The following KMT2A variants were observed in gnomAD, a reference collection of about 807,000 sequenced individuals.
KMT2A encodes histone-lysine N-methyltransferase 2A.
A neutral mutation model predicts 345.3 loss-of-function variants in KMT2A; 16 were observed. The observed-to-expected ratio is 0.05, with a 90% confidence interval of 0.03 to 0.07. KMT2A has a LOEUF of 0.07. Ranked by LOEUF, KMT2A falls within the 10% of genes least tolerant of loss-of-function variation. The probability of loss-of-function intolerance (pLI) is 1.00; values close to 1 mark genes in which losing one functional copy is unlikely to be tolerated. For synonymous variants in KMT2A, 1,599 were observed against 1,778.6 expected (o/e 0.90, Z 2.54); for missense variants, 3,272 against 4,841.6 (o/e 0.68, Z 9.62).
chr11:118,526,586 G>GGA lies in KMT2A; in HGVS notation c.*4414_*4415insGA, dbSNP rs1951087592. 6.2e-6 allele frequency: 1 copy of GGA among 160,444 alleles called. No homozygotes were observed. Among genetic ancestry groups the GGA allele is most frequent in the Admixed American group, 7.2e-5 (1 of 13,962 alleles). The allele number at this position is 160,444 out of a possible 1,614,324, so 9.9% of individuals were successfully genotyped here. ...CCAAGCTTCTGGTTAGAGAAAAAGA[G>GGA]AAAAAAAAAAAAGGAAAATGTGTCT... On this transcript the variant is annotated 3_prime_UTR_variant, in exon 36 of 36. Coordinates refer to ENST00000534358, the MANE Select transcript of KMT2A (RefSeq NM_001197104.2).
intron 28 of KMT2A, among the ~76,000 whole-genome samples, chr11:118,508,923 A>G (rs1950636029): frequency 6.6e-6 from 1 of 152,200 alleles, no homozygotes; most frequent in African/African-American, 2.4e-5. Flanking sequence ...ACTTAATGTC[A>G]GTATTTGGTA....
intron 1 of KMT2A, among the ~76,000 whole-genome samples, chr11:118,459,879 G>C (rs782057720): frequency 2.6e-5 from 4 of 151,700 alleles, no homozygotes; most frequent in African/African-American, 7.3e-5. Flanking sequence ...TAGAGACAGG[G>C]TTTCACCATG....
At chr11:118,457,875 G>A (rs1420382645) in intron 1 of KMT2A, among the ~76,000 whole-genome samples, 1 of 151,914 alleles carries the variant, frequency 6.6e-6, no homozygotes, top group Non-Finnish European at 1.5e-5. Flanking sequence ...GGCAACATAC[G>A]ATACTTCATT....
chr11:118,438,900 C>G, intron 1 of KMT2A: 4 of 376,630 alleles, frequency 1.1e-5, no homozygotes, highest in South Asian at 7.9e-5. Context: ...TCTTTCTGCT[C>G]TATCTCCACC....
chr11:118,498,304 G>T lies in KMT2A; in HGVS notation c.5803-66G>T. 7.0e-7 allele frequency: 1 copy of T among 1,430,924 alleles called. No individual in the cohort carries two copies. Among genetic ancestry groups the T allele is most frequent in the Non-Finnish European group, 9.5e-7 (1 of 1,047,422 alleles). The allele number at this position is 1,430,924 out of a possible 1,614,324, so 88.6% of individuals were successfully genotyped here. A position where few individuals can be genotyped will look rare whatever the true frequency, so the allele number is the denominator to read the frequency against. ...CTGTAGAATGGGATGAGTCTATAGAGGAGACGGTAAACGTCTTAAAACATA... is the reference window on the plus strand; with the variant it reads ...CTGTAGAATGGGATGAGTCTATAGATGAGACGGTAAACGTCTTAAAACATA... On this transcript the variant is annotated intron_variant, in intron 21 of 35. Transcript: ENST00000534358. The surrounding 1 kb of genome is among the most constrained non-coding windows in gnomAD (Gnocchi z 4.4).
At chr11:118,440,281 T>C (rs1236485452) in intron 1 of KMT2A, among the ~76,000 whole-genome samples, 1 of 152,208 alleles carries the variant, frequency 6.6e-6, no homozygotes, top group Non-Finnish European at 1.5e-5. Context: ...TAACTTCCTT[T>C]GTATGACAAT....
In KMT2A at chr11:118,490,048, G is replaced by GGAT. The variant is rs1950300771; in HGVS notation, c.4576-79_4576-77dup. 13 of 1,467,170 alleles carry GGAT rather than the reference G, an allele frequency of 8.9e-6. No individual in the cohort carries two copies. Among genetic ancestry groups the GGAT allele is most frequent in the Non-Finnish European group, 1.2e-5 (13 of 1,077,224 alleles). 90.9% of individuals were successfully genotyped at this position (1,467,170 alleles called of 1,614,324 possible). On this transcript the variant is annotated intron_variant, in intron 12 of 35. Transcript: ENST00000534358. This position sits in a 1 kb window ranked among gnomAD's most constrained non-coding sequence, Gnocchi z 4.2. ...CAGCAGAGAAATTAAATCTATAAAT[G>GGAT]GATGCATTTAAGATCTTTTTAGTTA...
chr11:118,454,240 C>G (rs1555029952), intron 1 of KMT2A, among the ~76,000 whole-genome samples: 2 of 152,204 alleles, frequency 1.3e-5, no homozygotes, highest in Non-Finnish European at 2.9e-5. Flanking sequence ...TAGGATAAAT[C>G]CAGATTCCTT....
chr11:118,492,905 T>C, intron 15 of KMT2A, 152 bp from the exon 16 acceptor site: 1 of 646,466 alleles, frequency 1.5e-6, no homozygotes, highest in Non-Finnish European at 2.6e-6. Flanking sequence ...TTTTTAACTT[T>C]CCTTTTCTAT....
rs1555044535 is a variant in KMT2A, at chr11:118,498,041, G to T, written c.5770G>T (p.Val1924Leu). Residue 1924 changes from valine (V) to leucine (L), a missense_variant, in exon 21 of 36, where the codon GTG becomes TTG. By Grantham distance (32) the Val-to-Leu change is conservative (BLOSUM62 1). Coordinates refer to ENST00000534358, the MANE Select transcript of KMT2A (RefSeq NM_001197104.2). This position sits in a 1 kb window ranked among gnomAD's most constrained non-coding sequence, Gnocchi z 4.4. Reference sequence around the variant, plus strand: ...AGATGATGACGGATCACTAAAGAATGTGCATATGGCTGTGATCAGGGGCAA... The same window carrying T: ...AGATGATGACGGATCACTAAAGAATTTGCATATGGCTGTGATCAGGGGCAA... ...FEDDDGSLKN[V>L]HMAVIRGKQL... 1.2e-6 allele frequency: 2 copies of T among 1,614,128 alleles called. No individual in the cohort carries two copies. The highest frequency in any genetic ancestry group is 1.7e-6 in the Non-Finnish European group (2 of 1,179,998).
In KMT2A at chr11:118,484,242, T is replaced by C. The variant is rs781924648; in HGVS notation, c.4146T>C (p.Thr1382=). The C allele has an allele frequency of 6.2e-7, 1 of 1,614,096 alleles. No individual in the cohort carries two copies. The highest frequency in any genetic ancestry group is 8.5e-7 in the Non-Finnish European group (1 of 1,179,992). The change falls in exon 9 of 36, where the codon ACT becomes ACC. Residue 1382 remains threonine (T), a synonymous_variant. Transcript: ENST00000534358. The surrounding 1 kb of genome is among the most constrained non-coding windows in gnomAD (Gnocchi z 4.1). The stretch of plus-strand genomic sequence containing the variant: ...CAGGCACTTTGAACATCCTCAGCAC[T>C]CTCTCCAATGGCAATAGTTCTAAGC... ...ENAGTLNILS[T]LSNGNSSKQK... is the part of the protein sequence containing the mutation.
chr11:118,454,254 A>G (rs1247254521), intron 1 of KMT2A, among the ~76,000 whole-genome samples: 2 of 152,180 alleles, frequency 1.3e-5, no homozygotes, highest in Non-Finnish European at 2.9e-5. Context: ...ATTCCTTACT[A>G]TGGCCAACAA....
At position 118,490,064 on chromosome 11, in the gene KMT2A, T is replaced by G. The variant is rs1205477943; in HGVS notation, c.4576-65T>G. 6.5e-6 allele frequency: 10 copies of G among 1,534,874 alleles called. No homozygotes were observed. Among genetic ancestry groups the G allele is most frequent in the Non-Finnish European group, 8.8e-6 (10 of 1,135,104 alleles). On this transcript the variant is annotated intron_variant, in intron 12 of 35. Transcript: ENST00000534358. This position sits in a 1 kb window ranked among gnomAD's most constrained non-coding sequence, Gnocchi z 4.2. ...TCTATAAATGGATGCATTTAAGATCTTTTTAGTTAAGTAAAGATATTAAAA... is the reference window on the plus strand; with the variant it reads ...TCTATAAATGGATGCATTTAAGATCGTTTTAGTTAAGTAAAGATATTAAAA...
At chr11:118,462,301 T>G (rs1203739754) in intron 1 of KMT2A, among the ~76,000 whole-genome samples, 2 of 152,110 alleles carry the variant, frequency 1.3e-5, no homozygotes, top group Non-Finnish European at 2.9e-5. Flanking sequence ...TCAACTTGGC[T>G]TTACTTAGTT....
Position 118,499,247 on chromosome 11 carries a change from T to C in KMT2A, c.5962-56T>C. ...TTCCACTCTGAGACAGTCAGGATCA[T>C]AAGTATAATGTGCAAAGGGACAGCC... On this transcript the variant is annotated intron_variant, in intron 22 of 35. Coordinates refer to ENST00000534358, the MANE Select transcript of KMT2A (RefSeq NM_001197104.2). The C allele has an allele frequency of 7.5e-6, 8 of 1,065,696 alleles. No homozygotes were observed. In the South Asian group the frequency reaches 8.8e-5, roughly 12 times the overall value. 66.0% of individuals were successfully genotyped at this position (1,065,696 alleles called of 1,614,324 possible). A position where few individuals can be genotyped will look rare whatever the true frequency, so the allele number is the denominator to read the frequency against.
intron 3 of KMT2A, among the ~76,000 whole-genome samples, chr11:118,475,552 T>C (rs2134278049): frequency 6.6e-6 from 1 of 152,228 alleles, no homozygotes; most frequent in East Asian, 1.9e-4. Flanking sequence ...TGAAACCCTG[T>C]CTCTACTAAA....
At chr11:118,482,807 G>A (rs922226193) in intron 8 of KMT2A, among the ~76,000 whole-genome samples, 6 of 151,566 alleles carry the variant, frequency 4.0e-5, no homozygotes, top group Admixed American at 6.6e-5. Flanking sequence ...TGGCAGTTGC[G>A]TGTAGTCCCA....
At chr11:118,449,897 T>A (rs1013986879) in intron 1 of KMT2A, 10 of 152,120 alleles carry the variant, frequency 6.6e-5, no homozygotes, top group African/African-American at 1.9e-4. Flanking sequence ...AAGTTTGTAG[T>A]TGAATGAGCA....
At chr11:118,467,376 C>CA (rs782320114) in intron 1 of KMT2A, among the ~76,000 whole-genome samples, 2,303 of 113,992 alleles carry the variant, frequency 0.02, 48 homozygotes, top group African/African-American at 0.057. Flanking sequence ...GACTCCGTCT[C>CA]AAAAAAAAAA....
Sources: gnomAD v4.1 joint callset for allele counts (sites outside exome capture counted in the v4.1 genomes callset) on GRCh38, gnomAD v4.1.1 for gene constraint, Gnocchi (gnomAD v3.1) non-coding constraint, MANE v1.5 for transcripts, NCBI Gene and HGNC (gene_info 2026-07-23, HGNC 2026-07-21) for gene names.